Variants in SP4 observed in about 807,000 individuals in gnomAD.
SP4 encodes the protein transcription factor Sp4.
A neutral mutation model predicts 72.8 loss-of-function variants in SP4; 19 were observed. The ratio of observed to expected loss-of-function variants is 0.26; its 90% confidence interval spans 0.18 to 0.38. The LOEUF (loss-of-function observed/expected upper bound fraction) is 0.38, where lower values mean the gene tolerates loss of function less well. Ranked by LOEUF, SP4 falls within the 10% of genes least tolerant of loss-of-function variation. SP4 has a pLI of 1.00. For synonymous variants in SP4, 395 were observed against 333.1 expected, an observed-to-expected ratio of 1.19 and a Z score of -2.02; for missense variants, 1,008 against 926.3, an observed-to-expected ratio of 1.09 and a Z score of -1.14.
chr7:21,429,634 C>G lies in SP4; in HGVS notation c.469C>G (p.Gln157Glu). ...TGGTCAATTTCAAGTCATACAAGTA[C>G]AAAATCCAAGTGGTAGTGTACAGTA... ...TPGQFQVIQV[Q>E]NPSGSVQYQV... The change falls in exon 3 of 6, where the codon CAA (glutamine) becomes GAA (glutamate). Residue 157 changes from glutamine to glutamate, a missense_variant. Physicochemically the swap from Gln to Glu is conservative, Grantham distance 29. Coordinates refer to ENST00000222584, the MANE Select transcript of SP4 (RefSeq NM_003112.5). 1 of 1,614,096 alleles carries G rather than the reference C, an allele frequency of 6.2e-7. No homozygotes were observed. The highest frequency in any genetic ancestry group is 8.5e-7 in the Non-Finnish European group (1 of 1,179,962).
At chr7:21,461,071 T>C (rs994199457) in intron 3 of SP4, among the ~76,000 whole-genome samples, 2 of 152,158 alleles carry the variant, frequency 1.3e-5, no homozygotes, top group African/African-American at 4.8e-5. Flanking sequence ...GTATTTACAA[T>C]CCCCTAGCTA....
rs1207976819 is a variant in SP4 at position 21,513,214 on chromosome 7, T to C, written c.*1945T>C. The C allele has an allele frequency of 1.3e-5, 2 of 152,636 alleles. No individual in the cohort carries two copies. Among genetic ancestry groups the C allele is most frequent in the Non-Finnish European group, 2.9e-5 (2 of 68,024 alleles). The allele number at this position is 152,636 out of a possible 1,614,324, so 9.5% of individuals were successfully genotyped here. ...ATCACTGTTTACACTATGTACACTT[T>C]AGGCCAGCCCTTTGTAGCGTTATAT... On this transcript the variant is annotated 3_prime_UTR_variant, in exon 6 of 6. Transcript: ENST00000222584.
intron 5 of SP4, among the ~76,000 whole-genome samples, chr7:21,495,917 A>T (rs772722699): frequency 8.5e-5 from 13 of 152,234 alleles, no homozygotes; most frequent in Non-Finnish European, 1.6e-4. Context: ...ACTCCCCAAC[A>T]TAAAGGAATG....
At chr7:21,504,108 G>A (rs867469867) in intron 5 of SP4, among the ~76,000 whole-genome samples, 1 of 151,968 alleles carries the variant, frequency 6.6e-6, no homozygotes, top group Admixed American at 6.6e-5. Flanking sequence ...TAATTTCTTC[G>A]TCCAGGGAGG....
intron 5 of SP4, among the ~76,000 whole-genome samples, chr7:21,507,526 A>G (rs894016033): frequency 3.3e-5 from 5 of 152,080 alleles, no homozygotes; most frequent in Admixed American, 2.6e-4. Flanking sequence ...GATTTTTACT[A>G]GGCTCTTTTT....
intron 5 of SP4, among the ~76,000 whole-genome samples, chr7:21,491,873 G>T (rs916629718): frequency 2.4e-5 from 3 of 126,004 alleles, no homozygotes; most frequent in Admixed American, 1.6e-4. Flanking sequence ...CAATAGAAAT[G>T]CCAAGGAAGT....
chr7:21,463,661 TA>T (rs1373852164), intron 3 of SP4, among the ~76,000 whole-genome samples: 1 of 152,138 alleles, frequency 6.6e-6, no homozygotes, highest in African/African-American at 2.4e-5. Flanking sequence ...GGAGAAGAGA[TA>T]GTGCCAAGCC....
At position 21,428,199 on chromosome 7, in the gene SP4, C is replaced by CCCCCCCCCCCCCAA; in HGVS notation, c.-53_-52insCCCCCCCCCCCCAA. 8.9e-7 allele frequency: 1 copy of CCCCCCCCCCCCCAA among 1,119,138 alleles called. No homozygotes were observed. Among genetic ancestry groups the CCCCCCCCCCCCCAA allele is most frequent in the African/African-American group, 1.6e-5 (1 of 63,254 alleles). The allele number at this position is 1,119,138 out of a possible 1,614,324, so 69.3% of individuals were successfully genotyped here. A position where few individuals can be genotyped will look rare whatever the true frequency, so the allele number is the denominator to read the frequency against. On this transcript the variant is annotated 5_prime_UTR_variant, in exon 1 of 6. Transcript: ENST00000222584. ...TCTCCTCCCGCCTCGCCCCCACCCC[C>CCCCCCCCCCCCCAA]ACCCACCTCTATCCCAGTGTCTCCG...
chr7:21,485,215 C>G (rs1414068682), intron 5 of SP4, among the ~76,000 whole-genome samples: 3 of 151,868 alleles, frequency 2.0e-5, no homozygotes, highest in Non-Finnish European at 4.4e-5. Flanking sequence ...CCATTCGTAG[C>G]AACAACTATG....
intron 3 of SP4, 40 bp from the exon 4 acceptor site, chr7:21,477,039 A>C (rs755702439): frequency 6.7e-6 from 10 of 1,487,164 alleles, no homozygotes; most frequent in Non-Finnish European, 9.3e-6. Flanking sequence ...CTTTAGGTGT[A>C]GAAAACATTA....
Position 21,428,659 on chromosome 7 carries a change from T to TGGG in SP4, c.8-13_8-11dup. On this transcript the variant is annotated splice_polypyrimidine_tract_variant and intron_variant, in intron 1 of 5. Transcript: ENST00000222584. ...ATAACCTGTTGTCGTGTGTGTGTGGTGGGGGGGTTTGTTGCAGATCAGAAG... is the reference window on the plus strand; with the variant it reads ...ATAACCTGTTGTCGTGTGTGTGTGGTGGGGGGGGGGTTTGTTGCAGATCAGAAG... 6.6e-7 allele frequency: 1 copy of TGGG among 1,505,992 alleles called. No homozygotes were observed. Among genetic ancestry groups the TGGG allele is most frequent in the Non-Finnish European group, 9.0e-7 (1 of 1,107,110 alleles). 93.3% of individuals were successfully genotyped at this position (1,505,992 alleles called of 1,614,324 possible).
Position 21,429,961 on chromosome 7 carries a change from C to T in SP4, c.796C>T (p.Leu266=). 1 of 1,614,176 alleles carries T rather than the reference C, an allele frequency of 6.2e-7. No individual in the cohort carries two copies. The highest frequency in any genetic ancestry group is 8.5e-7 in the Non-Finnish European group (1 of 1,180,030). The part of the protein sequence containing the change: ...TLPINIGGVT[L]ALPVINNVAA... ...ACCAATTAACATTGGAGGAGTGACT[C>T]TAGCTTTGCCAGTGATAAACAACGT... is the stretch of plus-strand genomic sequence containing the variant. The change falls in exon 3 of 6, where the codon CTA becomes TTA. Residue 266 remains leucine, a synonymous_variant. Transcript: ENST00000222584.
chr7:21,483,840 A>G (rs1265339821), intron 5 of SP4, among the ~76,000 whole-genome samples: 1 of 151,156 alleles, frequency 6.6e-6, no homozygotes, highest in African/African-American at 2.4e-5. Flanking sequence ...CAGAATATTT[A>G]GAATTTGGGA....
chr7:21,463,878 G>A (rs1784079075), intron 3 of SP4, among the ~76,000 whole-genome samples: 1 of 152,038 alleles, frequency 6.6e-6, no homozygotes, highest in African/African-American at 2.4e-5. Flanking sequence ...TATCTTAAAA[G>A]TTTATAGTTC....
intron 5 of SP4, among the ~76,000 whole-genome samples, chr7:21,487,061 A>T (rs2128412448): frequency 6.6e-6 from 1 of 152,292 alleles, no homozygotes; most frequent in East Asian, 1.9e-4. Flanking sequence ...TTATTTATGC[A>T]ATCATTTATT....
At chr7:21,436,044 A>G (rs920526086) in intron 3 of SP4, among the ~76,000 whole-genome samples, 1 of 152,090 alleles carries the variant, frequency 6.6e-6, no homozygotes, top group Non-Finnish European at 1.5e-5. Flanking sequence ...GACTACAGGC[A>G]CATGTCACCA....
rs202139248 is a variant in SP4, at chr7:21,430,023, T to C, written c.858T>C (p.Pro286=). ...AGGGTGQVGQ[P]AATADSGTSN... ...GAGGGACTGGGCAGGTTGGCCAGCC[T>C]GCTGCTACTGCTGATAGTGGGACTT... The change falls in exon 3 of 6, where the codon CCT becomes CCC. Residue 286 remains proline (P), a synonymous_variant. Transcript: ENST00000222584. 54 of 1,614,204 alleles carry C rather than the reference T, an allele frequency of 3.3e-5. No homozygotes were observed. In the Admixed American group the frequency reaches 4.2e-4, roughly 12 times the overall value.
chr7:21,498,885 A>G (rs574756878), intron 5 of SP4, among the ~76,000 whole-genome samples: 1 of 152,000 alleles, frequency 6.6e-6, no homozygotes, highest in South Asian at 2.1e-4. Context: ...GGAGATCGAG[A>G]CCATCCTGGC....
chr7:21,428,203 C>CCCCCCCCAAA lies in SP4; in HGVS notation c.-49_-48insCCCCCCCAAA. On this transcript the variant is annotated 5_prime_UTR_variant, in exon 1 of 6. Coordinates refer to ENST00000222584, the MANE Select transcript of SP4 (RefSeq NM_003112.5). ...CTCCCGCCTCGCCCCCACCCCCACC[C>CCCCCCCCAAA]ACCTCTATCCCAGTGTCTCCGTCTG... The CCCCCCCCAAA allele has an allele frequency of 1.6e-6, 2 of 1,216,696 alleles. No homozygotes were observed. The highest frequency in any genetic ancestry group is 2.3e-6 in the Non-Finnish European group (2 of 854,954). 75.4% of individuals were successfully genotyped at this position (1,216,696 alleles called of 1,614,324 possible). A position where few individuals can be genotyped will look rare whatever the true frequency, so the allele number is the denominator to read the frequency against.
Sources: gnomAD v4.1 joint callset for allele counts (sites outside exome capture counted in the v4.1 genomes callset) on GRCh38, gnomAD v4.1.1 for gene constraint, MANE v1.5 for transcripts, NCBI Gene and HGNC (gene_info 2026-07-23, HGNC 2026-07-21) for gene names.